Variants in PRDM16 observed in about 807,000 individuals in gnomAD.
PRDM16 encodes the protein PR/SET domain 16.
Under a neutral mutation model 110.6 loss-of-function variants are expected in PRDM16, and 23 were observed. That is an observed-to-expected ratio of 0.21 (90% CI 0.15 to 0.29). The LOEUF (loss-of-function observed/expected upper bound fraction) is 0.29, where lower values mean the gene tolerates loss of function less well. PRDM16 is among the 10% of genes least tolerant of loss of function. The pLI, the probability that PRDM16 is intolerant of heterozygous loss-of-function variation, is 1.00. For synonymous variants in PRDM16, 799 were observed against 781.8 expected, an observed-to-expected ratio of 1.02 and a Z score of -0.37; for missense variants, 1,615 against 1,794.3, an observed-to-expected ratio of 0.90 and a Z score of 1.81.
intron 2 of PRDM16, among the ~76,000 whole-genome samples, chr1:3,189,042 AG>A (rs1225350765): frequency 6.6e-6 from 1 of 152,104 alleles, no homozygotes; most frequent in East Asian, 1.9e-4. Context: ...GCCTTCCCTG[AG>A]GTGGCCCCGG....
chr1:3,330,527 C>A (rs1055301414), intron 3 of PRDM16, among the ~76,000 whole-genome samples: 2 of 152,196 alleles, frequency 1.3e-5, no homozygotes, highest in African/African-American at 4.8e-5. Context: ...GGCATCCCCA[C>A]CACATCCCCT....
Position 3,080,848 on chromosome 1 carries a change from C to T in PRDM16, c.37+11552C>T, listed in dbSNP as rs954786429. Among the ~76,000 whole-genome samples the T allele has an allele frequency of 2.0e-5, 3 of 152,136 alleles. No homozygotes were observed. Among genetic ancestry groups the T allele is most frequent in the African/African-American group, 4.8e-5 (2 of 41,426 alleles). On this transcript the variant is annotated intron_variant, in intron 1 of 16. Coordinates refer to ENST00000270722, the MANE Select transcript of PRDM16 (RefSeq NM_022114.4). The surrounding 1 kb of genome is among the most constrained non-coding windows in gnomAD (Gnocchi z 5.2). The stretch of plus-strand genomic sequence containing the variant: ...ATATCTCAGAGCCCCAGAGACTCGG[C>T]GTCTCCGACCCTGAGCCCACATGAG...
chr1:3,394,573 C>T (rs1244696617), intron 4 of PRDM16: 1 of 385,286 alleles, frequency 2.6e-6, no homozygotes, highest in East Asian at 8.6e-5. Flanking sequence ...CTAACGGGAC[C>T]CCTCGAGAAG....
At chr1:3,256,936 C>T (rs547638962) in intron 3 of PRDM16, among the ~76,000 whole-genome samples, 9 of 152,228 alleles carry the variant, frequency 5.9e-5, no homozygotes, top group Non-Finnish European at 1.2e-4. Context: ...AACACATGCA[C>T]ATGCATAAGG....
At chr1:3,199,560 T>C (rs2100824278) in intron 2 of PRDM16, among the ~76,000 whole-genome samples, 1 of 152,136 alleles carries the variant, frequency 6.6e-6, no homozygotes, top group African/African-American at 2.4e-5. Flanking sequence ...TCAGCCAAAG[T>C]CCCATTTCTA....
intron 2 of PRDM16, among the ~76,000 whole-genome samples, chr1:3,236,610 G>A (rs1639546519): frequency 6.6e-6 from 1 of 152,194 alleles, no homozygotes; most frequent in Non-Finnish European, 1.5e-5. Context: ...GTCTACACCT[G>A]TGTATCTTCA....
chr1:3,314,457 G>A (rs563452817), intron 3 of PRDM16, among the ~76,000 whole-genome samples: 1 of 152,220 alleles, frequency 6.6e-6, no homozygotes, highest in Admixed American at 6.5e-5. Context: ...TGAGGATGGG[G>A]ACAAGGAGAG....
At position 3,411,590 on chromosome 1, in the gene PRDM16, C is replaced by G. The variant is rs763015619; in HGVS notation, c.1393C>G (p.Pro465Ala). ...CTTTGCCCCGGGCCTGCCCTTGACC[C>G]CCAGCCCCATGATGGACAAGGCAAA... ...GIFAPGLPLT[P>A]SPMMDKAKPS... The change falls in exon 9 of 17, where the codon CCC (proline) becomes GCC (alanine). Residue 465 changes from proline to alanine, a missense_variant. By Grantham distance (27) the Pro-to-Ala change is conservative (BLOSUM62 -1). Coordinates refer to ENST00000270722, the MANE Select transcript of PRDM16 (RefSeq NM_022114.4). The G allele has an allele frequency of 4.5e-5, 73 of 1,613,904 alleles. No homozygotes were observed. The highest frequency in any genetic ancestry group is 5.8e-5 in the Non-Finnish European group (69 of 1,180,006).
intron 14 of PRDM16, among the ~76,000 whole-genome samples, chr1:3,427,067 C>T (rs1478014244): frequency 1.3e-5 from 2 of 152,252 alleles, no homozygotes; most frequent in Admixed American, 6.5e-5. Context: ...CAGCCGTGTG[C>T]GTACACCTAG....
intron 2 of PRDM16, among the ~76,000 whole-genome samples, chr1:3,232,264 C>A (rs1639434545): frequency 6.6e-6 from 1 of 152,224 alleles, no homozygotes; most frequent in African/African-American, 2.4e-5. Context: ...TCGGATAATG[C>A]CGGGTGGAGC....
intron 3 of PRDM16, among the ~76,000 whole-genome samples, chr1:3,288,082 G>A (rs1569999676): frequency 6.6e-6 from 1 of 152,240 alleles, no homozygotes; most frequent in African/African-American, 2.4e-5. Flanking sequence ...GTCAGGCAGG[G>A]CCAGCTAGCT....
chr1:3,075,752 A>G (rs962244888), intron 1 of PRDM16, among the ~76,000 whole-genome samples: 2 of 152,192 alleles, frequency 1.3e-5, no homozygotes, highest in African/African-American at 4.8e-5. Flanking sequence ...CACCTCTCAG[A>G]GTGGAGGCCG....
chr1:3,140,575 G>A (rs944980628), intron 1 of PRDM16, among the ~76,000 whole-genome samples: 5 of 152,218 alleles, frequency 3.3e-5, no homozygotes, highest in Non-Finnish European at 1.5e-5. Context: ...CTCTAACTCA[G>A]GAGCAATTCA....
intron 3 of PRDM16, among the ~76,000 whole-genome samples, chr1:3,323,110 T>C (rs1302700429): frequency 2.0e-5 from 3 of 152,216 alleles, no homozygotes; most frequent in Admixed American, 1.3e-4. Context: ...TGTGTGCACT[T>C]GGTGCGGGAA....
Position 3,106,523 on chromosome 1 carries a change from T to A in PRDM16, c.37+37227T>A, listed in dbSNP as rs371339849. Among the ~76,000 whole-genome samples the A allele has an allele frequency of 3.7e-4, 56 of 152,254 alleles. No homozygotes were observed. In the South Asian group the frequency reaches 4.4e-3, roughly 12 times the overall value. ...ACCTGAGCAGAGGCAGGGATGGGGA[T>A]CCTGCCAGGGCTGGGGGAGTGGTCA... is the stretch of plus-strand genomic sequence containing the variant. On this transcript the variant is annotated intron_variant, in intron 1 of 16. Coordinates refer to ENST00000270722, the MANE Select transcript of PRDM16 (RefSeq NM_022114.4).
At chr1:3,164,666 G>T (rs550374067) in intron 1 of PRDM16, among the ~76,000 whole-genome samples, 3 of 152,222 alleles carry the variant, frequency 2.0e-5, no homozygotes, top group Non-Finnish European at 4.4e-5. Flanking sequence ...GGCAGGCGAG[G>T]GGCTAGGAGG....
Position 3,390,192 on chromosome 1 carries a change from G to A in PRDM16, c.573+4906G>A, listed in dbSNP as rs974229575. 3.9e-5 allele frequency among the ~76,000 whole-genome samples: 6 copies of A among 152,292 alleles called. No homozygotes were observed. The highest frequency in any genetic ancestry group is 2.6e-4 in the Admixed American group (4 of 15,302). ...AGGCAGGGAGGAGCTGTCACAGCCG[G>A]CGCTTTCTGTTTTTTGGTTTATCTT... On this transcript the variant is annotated intron_variant, in intron 4 of 16. Transcript: ENST00000270722. This position sits in a 1 kb window ranked among gnomAD's most constrained non-coding sequence, Gnocchi z 5.0.
At chr1:3,181,643 C>A (rs567812631) in intron 1 of PRDM16, among the ~76,000 whole-genome samples, 3 of 134,882 alleles carry the variant, frequency 2.2e-5, no homozygotes, top group Non-Finnish European at 4.8e-5. Context: ...GTCTTACACA[C>A]GGTCTTACAC....
chr1:3,380,129 A>G (rs1643076919), intron 3 of PRDM16, among the ~76,000 whole-genome samples: 1 of 148,378 alleles, frequency 6.7e-6, no homozygotes, highest in Admixed American at 6.7e-5. Flanking sequence ...ACCCTCTCCT[A>G]ACATGCCCCT....
Sources: gnomAD v4.1 joint callset for allele counts (sites outside exome capture counted in the v4.1 genomes callset) on GRCh38, gnomAD v4.1.1 for gene constraint, Gnocchi (gnomAD v3.1) non-coding constraint, MANE v1.5 for transcripts, NCBI Gene and HGNC (gene_info 2026-07-23, HGNC 2026-07-21) for gene names.